PAPPA: variants seen among roughly 807,000 people sequenced by gnomAD.
PAPPA encodes the protein pappalysin-1.
A neutral mutation model predicts 164.0 loss-of-function variants in PAPPA; 60 were observed. The observed-to-expected ratio is 0.37, with a 90% CI of 0.30 to 0.45. The LOEUF is 0.45. Among genes scored for constraint, PAPPA ranks in the 20% least tolerant of loss-of-function variants. The pLI is 1.00. For synonymous variants in PAPPA, 875 were observed against 814.1 expected (o/e 1.07, Z -1.27); for missense variants, 1,782 against 2,087.3 (o/e 0.85, Z 2.85).
chr9:116,244,822 C>A (rs550915174), intron 7 of PAPPA, among the ~76,000 whole-genome samples: 1 of 152,116 alleles, frequency 6.6e-6, no homozygotes, highest in East Asian at 1.9e-4. Context: ...GGGTATCTAC[C>A]CAAAAGAAGA....
chr9:116,311,439 T>C (rs1845716827), intron 10 of PAPPA, among the ~76,000 whole-genome samples: 3 of 152,282 alleles, frequency 2.0e-5, no homozygotes, highest in Non-Finnish European at 4.4e-5. Context: ...GAGGTTAACC[T>C]TTGAGGAGGA....
At chr9:116,394,196 G>A (rs970156367) in intron 21 of PAPPA, among the ~76,000 whole-genome samples, 6 of 152,064 alleles carry the variant, frequency 3.9e-5, no homozygotes, top group Middle Eastern at 3.2e-3. Flanking sequence ...GAAGGTGGGC[G>A]GTGGGGGACA....
chr9:116,314,519 A>G (rs1168119687), intron 10 of PAPPA, among the ~76,000 whole-genome samples: 1 of 152,180 alleles, frequency 6.6e-6, no homozygotes, highest in Non-Finnish European at 1.5e-5. Context: ...CGTATTCACA[A>G]GAAATATTGG....
chr9:116,322,210 T>C (rs1845865162), intron 10 of PAPPA, among the ~76,000 whole-genome samples: 1 of 151,832 alleles, frequency 6.6e-6, no homozygotes, highest in South Asian at 2.1e-4. Context: ...GTGGATCACC[T>C]GACGCCTGGC....
chr9:116,328,136 C>T (rs1351408282), intron 10 of PAPPA, among the ~76,000 whole-genome samples: 2 of 152,082 alleles, frequency 1.3e-5, no homozygotes, highest in African/African-American at 4.8e-5. Context: ...GAGATAAGAC[C>T]CCCAATCCAG....
intron 8 of PAPPA, among the ~76,000 whole-genome samples, chr9:116,267,732 G>A (rs923047019): frequency 6.6e-5 from 10 of 151,680 alleles, no homozygotes; most frequent in East Asian, 1.9e-4. Flanking sequence ...AAAATTAGCC[G>A]GGCGCGGTGG....
chr9:116,154,597 G>A lies in PAPPA; in HGVS notation c.415+10G>A, dbSNP rs1473617025. On this transcript the variant is annotated intron_variant, in intron 1 of 21. Transcript: ENST00000328252. This position sits in a 1 kb window ranked among gnomAD's most constrained non-coding sequence, Gnocchi z 5.2. Reference sequence around the variant, plus strand: ...CCGGCAGTGATCACAGGTAGGTGAGGGCGCCTCGGCGGGCGCTGCACCGTC... The same window carrying A: ...CCGGCAGTGATCACAGGTAGGTGAGAGCGCCTCGGCGGGCGCTGCACCGTC... 12 of 1,339,782 alleles carry A rather than the reference G, an allele frequency of 9.0e-6. No individual in the cohort carries two copies. The highest frequency in any genetic ancestry group is 3.6e-5 in the Admixed American group (1 of 27,562). 83.0% of individuals were successfully genotyped at this position (1,339,782 alleles called of 1,614,324 possible). A position where few individuals can be genotyped will look rare whatever the true frequency, so the allele number is the denominator to read the frequency against.
intron 21 of PAPPA, among the ~76,000 whole-genome samples, chr9:116,384,956 A>G (rs1476382486): frequency 6.6e-6 from 1 of 152,290 alleles, no homozygotes; most frequent in African/African-American, 2.4e-5. Flanking sequence ...TAAAATATGA[A>G]GCTGATTTTT....
chr9:116,313,672 A>G (rs1286142977), intron 10 of PAPPA, among the ~76,000 whole-genome samples: 1 of 152,202 alleles, frequency 6.6e-6, no homozygotes, highest in African/African-American at 2.4e-5. Flanking sequence ...AACTTCCATG[A>G]TGATGAAAAT....
intron 6 of PAPPA, among the ~76,000 whole-genome samples, chr9:116,233,610 T>C (rs928569901): frequency 5.9e-5 from 9 of 152,176 alleles, no homozygotes; most frequent in African/African-American, 2.2e-4. Flanking sequence ...GTGTATTTTC[T>C]CACCCCTCCT....
chr9:116,227,677 T>C, intron 6 of PAPPA, 125 bp downstream of exon 6: 1 of 1,027,768 alleles, frequency 9.7e-7, no homozygotes, highest in East Asian at 2.6e-5. Flanking sequence ...AGTAACATCA[T>C]CCTGCAAGGT....
chr9:116,218,011 C>G (rs1275335393), intron 4 of PAPPA, among the ~76,000 whole-genome samples: 1 of 152,092 alleles, frequency 6.6e-6, no homozygotes, highest in African/African-American at 2.4e-5. Flanking sequence ...ATTATCTGGC[C>G]CTTTTCGGTC....
intron 20 of PAPPA, among the ~76,000 whole-genome samples, chr9:116,379,982 T>G (rs1454785275): frequency 6.6e-6 from 1 of 152,194 alleles, no homozygotes; most frequent in Non-Finnish European, 1.5e-5. Context: ...CCCCACCTAA[T>G]TAACTCCTAC....
rs1845137288 is a variant in PAPPA, at chr9:116,271,499, T to C, written c.2953+83T>C. On this transcript the variant is annotated intron_variant, in intron 9 of 21. Transcript: ENST00000328252. The surrounding 1 kb of genome is among the most constrained non-coding windows in gnomAD (Gnocchi z 4.2). ...GGTCAATGATAATGCCAACAATAGT[T>C]ATGACTAAATGATGATTCACTCCTT... 2 of 946,780 alleles carry C rather than the reference T, an allele frequency of 2.1e-6. No homozygotes were observed. Among genetic ancestry groups the C allele is most frequent in the African/African-American group, 3.2e-5 (2 of 62,130 alleles). The allele number at this position is 946,780 out of a possible 1,614,324, so 58.6% of individuals were successfully genotyped here.
chr9:116,208,870 A>G (rs958432208), intron 3 of PAPPA, among the ~76,000 whole-genome samples: 3 of 152,164 alleles, frequency 2.0e-5, no homozygotes, highest in African/African-American at 7.2e-5. Context: ...GTGGTTGTAT[A>G]AATAAAGATA....
At chr9:116,156,319 T>A in intron 1 of PAPPA, among the ~76,000 whole-genome samples, 1 of 95,394 alleles carries the variant, frequency 1.0e-5, no homozygotes, top group East Asian at 2.3e-4. Context: ...TATATATGTG[T>A]GTATATATAT....
intron 5 of PAPPA, among the ~76,000 whole-genome samples, chr9:116,221,838 A>C (rs1844450460): frequency 6.6e-6 from 1 of 152,360 alleles, no homozygotes; most frequent in Non-Finnish European, 1.5e-5. Context: ...ACTTCAAGAC[A>C]CACAAATGGC....
chr9:116,379,513 A>T (rs1846699198), intron 20 of PAPPA, among the ~76,000 whole-genome samples: 1 of 151,906 alleles, frequency 6.6e-6, no homozygotes. Flanking sequence ...GCTCTCCTTG[A>T]GTCATCTATG....
intron 3 of PAPPA, among the ~76,000 whole-genome samples, chr9:116,210,982 G>A (rs1844299342): frequency 6.6e-6 from 1 of 152,142 alleles, no homozygotes; most frequent in Non-Finnish European, 1.5e-5. Flanking sequence ...GAGATACTCT[G>A]CTCCAGGCCC....
Sources: allele counts gnomAD v4.1 joint callset (sites outside exome capture counted in the v4.1 genomes callset), GRCh38; gene constraint gnomAD v4.1.1; non-coding constraint Gnocchi (gnomAD v3.1); transcripts MANE v1.5; gene names NCBI Gene and HGNC (gene_info 2026-07-23, HGNC 2026-07-21).